CC2D1A: variants seen among roughly 807,000 people sequenced by gnomAD.
CC2D1A encodes coiled-coil and C2 domain containing 1A, also known as coiled-coil and C2 domain-containing protein 1A.
CC2D1A carries 68 observed loss-of-function variants against 123.8 expected under a neutral mutation model. The observed-to-expected ratio is 0.55, with a 90% confidence interval of 0.45 to 0.67. The LOEUF (loss-of-function observed/expected upper bound fraction) is 0.67, where lower values mean the gene tolerates loss of function less well. Ranked by LOEUF, CC2D1A falls within the 30% of genes least tolerant of loss-of-function variation. The pLI, the probability that CC2D1A is intolerant of heterozygous loss-of-function variation, is 0.00. For missense variants in CC2D1A, 1,185 were observed against 1,290.3 expected, an observed-to-expected ratio of 0.92 and a Z score of 1.25; for synonymous variants, 477 against 528.0, an observed-to-expected ratio of 0.90 and a Z score of 1.32.
At chr19:13,912,243 T>A in intron 2 of CC2D1A, 80 bp from the exon 3 acceptor site, 2 of 1,419,102 alleles carry the variant, frequency 1.4e-6, no homozygotes, top group Non-Finnish European at 1.9e-6. Flanking sequence ...AGAAGTGGGA[T>A]CACCTAGCGT....
chr19:13,917,937 C>G (rs1971265091), intron 6 of CC2D1A, 133 bp from the exon 7 acceptor site: 4 of 933,854 alleles, frequency 4.3e-6, no homozygotes, highest in Non-Finnish European at 4.6e-6. Context: ...CGCCACTGTA[C>G]CCCAGCATGG....
chr19:13,906,429 TC>T lies in CC2D1A; in HGVS notation c.-11del. ...GGCTTGGGGGCAGGTGGTCCGGGCA[TC>T]CAGCCTTGAAGATGCACAAGAGGAA... On this transcript the variant is annotated 5_prime_UTR_variant, in exon 1 of 29. Transcript: ENST00000318003. This position sits in a 1 kb window ranked among gnomAD's most constrained non-coding sequence, Gnocchi z 4.1. 1.3e-6 allele frequency: 2 copies of T among 1,512,508 alleles called. No individual in the cohort carries two copies. The highest frequency in any genetic ancestry group is 1.8e-6 in the Non-Finnish European group (2 of 1,132,694). The allele number at this position is 1,512,508 out of a possible 1,614,324, so 93.7% of individuals were successfully genotyped here.
chr19:13,921,053 A>G lies in CC2D1A; in HGVS notation c.1641+131A>G, dbSNP rs566324894. The G allele has an allele frequency of 1.6e-5, 14 of 860,318 alleles. No homozygotes were observed. The Admixed American group carries it at 3.1e-4, about 19-fold the overall frequency. 53.3% of individuals were successfully genotyped at this position (860,318 alleles called of 1,614,324 possible). ...GTAACAAATAGGTCCTCCCAAGACA[A>G]TGGCTGAAAGGAGACAGACATTTAT... On this transcript the variant is annotated intron_variant, in intron 14 of 28. Coordinates refer to ENST00000318003, the MANE Select transcript of CC2D1A (RefSeq NM_017721.5).
chr19:13,915,987 G>C (rs1049077688), intron 6 of CC2D1A, among the ~76,000 whole-genome samples: 1 of 152,072 alleles, frequency 6.6e-6, no homozygotes, highest in Admixed American at 6.6e-5. Context: ...TGGGCGTGGT[G>C]GTTCACACCT....
intron 12 of CC2D1A, chr19:13,920,260 TA>T (rs565445596): frequency 0.21 from 83,634 of 398,054 alleles, 768 homozygotes; most frequent in South Asian, 0.26. Context: ...CCAAGACAAT[TA>T]AAAAAAAAAA....
At chr19:13,920,173 C>T (rs1433699553) in intron 12 of CC2D1A, 2 of 527,280 alleles carry the variant, frequency 3.8e-6, no homozygotes, top group East Asian at 3.3e-5. Context: ...ATCACCTGAA[C>T]TAAGGAGTTC....
At position 13,930,076 on chromosome 19, in the gene CC2D1A, A is replaced by G; in HGVS notation, c.2711-2A>G. ...CTCCATTCCCCCGCCATCCATTCTCAGAATACGCAGCCCAGCTGGAGCGGC... is the reference window on the plus strand; with the variant it reads ...CTCCATTCCCCCGCCATCCATTCTCGGAATACGCAGCCCAGCTGGAGCGGC... On this transcript the variant is annotated splice_acceptor_variant, in intron 26 of 28. Transcript: ENST00000318003. LOFTEE classifies it high-confidence loss of function. This position sits in a 1 kb window ranked among gnomAD's most constrained non-coding sequence, Gnocchi z 6.8. The G allele has an allele frequency of 6.2e-7, 1 of 1,612,700 alleles. No individual in the cohort carries two copies. The highest frequency in any genetic ancestry group is 8.5e-7 in the Non-Finnish European group (1 of 1,179,504).
rs1459081845 is a variant in CC2D1A, at chr19:13,919,741, A to C, written c.1223-77A>C. The C allele has an allele frequency of 3.4e-6, 5 of 1,453,392 alleles. No homozygotes were observed. In the African/African-American group the frequency reaches 7.2e-5, roughly 21 times the overall value. The allele number at this position is 1,453,392 out of a possible 1,614,324, so 90.0% of individuals were successfully genotyped here. A position where few individuals can be genotyped will look rare whatever the true frequency, so the allele number is the denominator to read the frequency against. On this transcript the variant is annotated intron_variant, in intron 11 of 28. Transcript: ENST00000318003. The stretch of plus-strand genomic sequence containing the variant: ...CCAAGACTCTATAGGTGGGAGAGGA[A>C]TCTGCATCTCCACCATAATGGTGTG...
rs1200667808 is a variant in CC2D1A, at chr19:13,930,064, C to A, written c.2711-14C>A. ...CCCACCCTAAGCCTCCATTCCCCCG[C>A]CATCCATTCTCAGAATACGCAGCCC... On this transcript the variant is annotated splice_polypyrimidine_tract_variant and intron_variant, in intron 26 of 28. Transcript: ENST00000318003. The surrounding 1 kb of genome is among the most constrained non-coding windows in gnomAD (Gnocchi z 6.8). 24 of 1,611,752 alleles carry A rather than the reference C, an allele frequency of 1.5e-5. No individual in the cohort carries two copies. The highest frequency in any genetic ancestry group is 2.0e-5 in the Non-Finnish European group (23 of 1,179,194).
chr19:13,922,202 A>G lies in CC2D1A; in HGVS notation c.1642-1131A>G, dbSNP rs538957509. Among the ~76,000 whole-genome samples the G allele has an allele frequency of 1.2e-4, 18 of 152,176 alleles. 1 individual carries two copies. Among genetic ancestry groups the G allele is most frequent in the African/African-American group, 4.3e-4 (18 of 41,530 alleles). Reference sequence around the variant, plus strand: ...TTTTTAGTAGAGATGGGGTTTCACTATGTTGGCCAGGCTGGGCTTGAACTC... The same window carrying G: ...TTTTTAGTAGAGATGGGGTTTCACTGTGTTGGCCAGGCTGGGCTTGAACTC... On this transcript the variant is annotated intron_variant, in intron 14 of 28. Transcript: ENST00000318003.
At chr19:13,910,640 T>C (rs181752213) in intron 2 of CC2D1A, among the ~76,000 whole-genome samples, 8 of 151,548 alleles carry the variant, frequency 5.3e-5, no homozygotes, top group Admixed American at 5.3e-4. Context: ...GCCAGGCACA[T>C]TGGCTCATGC....
intron 4 of CC2D1A, 128 bp from the exon 5 acceptor site, chr19:13,913,040 T>A: frequency 1.0e-6 from 1 of 972,118 alleles, no homozygotes; most frequent in Non-Finnish European, 1.5e-6. Context: ...GGGACCATGA[T>A]TTCTGCCTCA....
intron 22 of CC2D1A, chr19:13,927,546 A>ATAC: frequency 2.1e-6 from 1 of 479,646 alleles, no homozygotes; most frequent in Non-Finnish European, 3.8e-6. Flanking sequence ...TGGGAGGCTG[A>ATAC]GGCGGGCAGA....
At chr19:13,910,407 CAAAAAAAAAA>C (rs766322114) in intron 2 of CC2D1A, among the ~76,000 whole-genome samples, 1 of 40,886 alleles carries the variant, frequency 2.4e-5, no homozygotes, top group African/African-American at 7.9e-5. Flanking sequence ...GACTCCGTCT[CAAAAAAAAAA>C]AAAAAAAAAA....
chr19:13,921,098 A>C (rs1238266802), intron 14 of CC2D1A, among the ~76,000 whole-genome samples, 176 bp downstream of exon 14: 1 of 152,210 alleles, frequency 6.6e-6, no homozygotes, highest in East Asian at 1.9e-4. Context: ...TGCATGTACC[A>C]CCCAGGGCAG....
In CC2D1A at chr19:13,918,816, A is replaced by C. The variant is rs759464814; in HGVS notation, c.1017A>C (p.Thr339=). ...PPTPATAPST[T]EVPPPPRTLL... ...CCCCCGCTACGGCGCCCTCCACAAC[A>C]GGTAGGTTCTGGGACCCTCTGGGGT... Residue 339 remains threonine (T), a splice_region_variant and synonymous_variant, in exon 9 of 29, where the codon ACA becomes ACC. Transcript: ENST00000318003. 3.1e-6 allele frequency: 5 copies of C among 1,613,434 alleles called. No homozygotes were observed. Among genetic ancestry groups the C allele is most frequent in the Non-Finnish European group, 8.5e-7 (1 of 1,179,746 alleles).
intron 7 of CC2D1A, 45 bp downstream of exon 7, chr19:13,918,239 G>A: frequency 6.7e-7 from 1 of 1,489,334 alleles, no homozygotes; most frequent in Non-Finnish European, 9.0e-7. Context: ...GGGGCAGGAT[G>A]CTTCCCACGT....
Position 13,919,957 on chromosome 19 carries a change from A to G in CC2D1A, c.1356+6A>G. 1 of 1,609,212 alleles carries G rather than the reference A, an allele frequency of 6.2e-7. No individual in the cohort carries two copies. The highest frequency in any genetic ancestry group is 1.9e-4 in the Middle Eastern group (1 of 5,320). ...AGGATGAGGTGCCTAAGAAGGTTTG[A>G]GGGTTGGGGCCGGGCGCAGTGGCTC... On this transcript the variant is annotated splice_donor_region_variant and intron_variant, in intron 12 of 28. Coordinates refer to ENST00000318003, the MANE Select transcript of CC2D1A (RefSeq NM_017721.5).
rs1382083617 is a variant in CC2D1A at position 13,923,530 on chromosome 19, T to TGTG, written c.1765-17_1765-16insTGG. 6.2e-7 allele frequency: 1 copy of TGTG among 1,610,814 alleles called. No individual in the cohort carries two copies. The highest frequency in any genetic ancestry group is 1.3e-5 in the African/African-American group (1 of 74,738). On this transcript the variant is annotated splice_polypyrimidine_tract_variant and intron_variant, in intron 15 of 28. Coordinates refer to ENST00000318003, the MANE Select transcript of CC2D1A (RefSeq NM_017721.5). This position sits in a 1 kb window ranked among gnomAD's most constrained non-coding sequence, Gnocchi z 5.3. ...CCTCTCTTCCCTTCCCTCGACTCAC[T>TGTG]GCCTTCTGTTTCCCCAGATGTGCCT...
Sources: allele counts gnomAD v4.1 joint callset (sites outside exome capture counted in the v4.1 genomes callset), GRCh38; gene constraint gnomAD v4.1.1; non-coding constraint Gnocchi (gnomAD v3.1); transcripts MANE v1.5; gene names NCBI Gene and HGNC (gene_info 2026-07-23, HGNC 2026-07-21).